The following ACYP2 variants were observed in gnomAD, a reference collection of about 807,000 sequenced individuals.
The protein encoded by ACYP2 is acylphosphatase-2.
A neutral mutation model predicts 11.2 loss-of-function variants in ACYP2; 12 were observed. That is an observed-to-expected ratio of 1.08 (90% CI 0.69 to 1.74). ACYP2 has a LOEUF of 1.74. ACYP2 is among the 40% of genes most tolerant of loss of function. The pLI is 0.00. For synonymous variants in ACYP2, 43 were observed against 32.2 expected (o/e 1.33, Z -1.13); for missense variants, 134 against 101.9 (o/e 1.31, Z -1.35).
chr2:54,180,370 A>T (rs1344207344), intron 6 of ACYP2, among the ~76,000 whole-genome samples: 1 of 151,964 alleles, frequency 6.6e-6, no homozygotes, highest in East Asian at 1.9e-4. Context: ...GGTGGGGCTG[A>T]ATATCTTAAA....
intron 2 of ACYP2, among the ~76,000 whole-genome samples, chr2:54,003,528 G>A (rs527262615): frequency 6.6e-6 from 1 of 152,198 alleles, no homozygotes; most frequent in African/African-American, 2.4e-5. Context: ...CCAAAGTGCT[G>A]GGATTACAGG....
intron 4 of ACYP2, among the ~76,000 whole-genome samples, chr2:54,097,796 A>C (rs906491722): frequency 6.6e-6 from 1 of 150,644 alleles, no homozygotes; most frequent in African/African-American, 2.4e-5. Context: ...GATATTTTTA[A>C]CTCTAACCAC....
chr2:54,249,834 C>G (rs1466319119), intron 6 of ACYP2, among the ~76,000 whole-genome samples: 1 of 148,790 alleles, frequency 6.7e-6, no homozygotes, highest in Non-Finnish European at 1.5e-5. Flanking sequence ...GTCCCAGCTA[C>G]TAGGCTGGCT....
intron 2 of ACYP2, among the ~76,000 whole-genome samples, chr2:54,026,627 A>T (rs1025714281): frequency 2.6e-5 from 4 of 152,240 alleles, no homozygotes; most frequent in Non-Finnish European, 5.9e-5. Flanking sequence ...ATAGCAGCAC[A>T]ATTCGCAACT....
intron 6 of ACYP2, among the ~76,000 whole-genome samples, chr2:54,156,424 C>T (rs1012172554): frequency 6.6e-6 from 1 of 152,134 alleles, no homozygotes; most frequent in African/African-American, 2.4e-5. Context: ...CTCCCCTGCT[C>T]CCCAACAAGC....
intron 6 of ACYP2, among the ~76,000 whole-genome samples, chr2:54,247,213 A>T (rs906604686): frequency 2.0e-5 from 3 of 151,920 alleles, no homozygotes; most frequent in African/African-American, 7.3e-5. Flanking sequence ...TTCTCTTCTC[A>T]TCTCACTTCT....
chr2:54,076,274 T>G (rs1278353173), intron 4 of ACYP2, among the ~76,000 whole-genome samples: 2 of 152,344 alleles, frequency 1.3e-5, no homozygotes, highest in Non-Finnish European at 2.9e-5. Flanking sequence ...CAAAGAGAAC[T>G]TCAAACTTAT....
intron 4 of ACYP2, among the ~76,000 whole-genome samples, chr2:54,069,150 C>G (rs759882441): frequency 6.6e-6 from 1 of 152,082 alleles, no homozygotes; most frequent in African/African-American, 2.4e-5. Flanking sequence ...AGTCTGGTCT[C>G]AAACTCCTGG....
chr2:54,179,329 A>G (rs1412652511), intron 6 of ACYP2, among the ~76,000 whole-genome samples: 1 of 152,158 alleles, frequency 6.6e-6, no homozygotes, highest in African/African-American at 2.4e-5. Flanking sequence ...ATATCCTCCA[A>G]TTCAGTTCTG....
chr2:54,099,053 T>A (rs1678745542), intron 4 of ACYP2, among the ~76,000 whole-genome samples: 1 of 152,174 alleles, frequency 6.6e-6, no homozygotes, highest in Non-Finnish European at 1.5e-5. Context: ...TCTTAGAACC[T>A]CTATTTGGTG....
chr2:54,118,525 C>T (rs1371414390), intron 4 of ACYP2, among the ~76,000 whole-genome samples: 1 of 152,194 alleles, frequency 6.6e-6, no homozygotes, highest in African/African-American at 2.4e-5. Flanking sequence ...CCTTAGTTGA[C>T]AAATGGGATT....
chr2:54,164,202 A>G (rs1682851670), intron 6 of ACYP2, among the ~76,000 whole-genome samples: 1 of 152,190 alleles, frequency 6.6e-6, no homozygotes, highest in Admixed American at 6.5e-5. Context: ...GAGAGATGGC[A>G]TGGGTCAGGG....
In ACYP2 at chr2:54,173,959, G is replaced by A. The variant is rs563861127; in HGVS notation, c.404+35211G>A. On this transcript the variant is annotated intron_variant, in intron 6 of 6. Coordinates refer to ENST00000607452, the MANE Select transcript of ACYP2 (RefSeq NM_001320586.2). The stretch of plus-strand genomic sequence containing the variant: ...GCCTTGTAGTGTAGTTTGAAGTCAG[G>A]TAGTGTGATGCCTCCAGCTTTGTTC... Among the ~76,000 whole-genome samples, 16 of 152,290 alleles carry A rather than the reference G, an allele frequency of 1.1e-4. No homozygotes were observed. In the South Asian group the frequency reaches 2.7e-3, roughly 26 times the overall value.
At chr2:54,263,871 T>C (rs1687893126) in intron 6 of ACYP2, among the ~76,000 whole-genome samples, 1 of 149,958 alleles carries the variant, frequency 6.7e-6, no homozygotes. Flanking sequence ...AATCACTAGT[T>C]GAAACCAGGA....
At chr2:54,028,449 T>C (rs1348704397) in intron 2 of ACYP2, among the ~76,000 whole-genome samples, 1 of 152,176 alleles carries the variant, frequency 6.6e-6, no homozygotes, top group Non-Finnish European at 1.5e-5. Flanking sequence ...CTCAATCTTA[T>C]TTTTCTCTCT....
intron 6 of ACYP2, chr2:54,166,935 T>C (rs1683001447): frequency 6.6e-6 from 1 of 152,156 alleles, no homozygotes; most frequent in African/African-American, 2.4e-5. Flanking sequence ...TAATTTTTCT[T>C]TTTTTGTGTG....
intron 2 of ACYP2, among the ~76,000 whole-genome samples, chr2:53,996,274 G>A (rs1402538641): frequency 6.6e-6 from 1 of 152,148 alleles, no homozygotes; most frequent in Non-Finnish European, 1.5e-5. Context: ...TCAGGAAGCA[G>A]ACACTGAAAT....
intron 6 of ACYP2, among the ~76,000 whole-genome samples, chr2:54,239,503 T>G (rs1686640051): frequency 6.6e-6 from 1 of 152,184 alleles, no homozygotes. Flanking sequence ...CTAGAAAGGT[T>G]AAGGAGAAAA....
chr2:54,183,518 C>A (rs1393625676), intron 6 of ACYP2, among the ~76,000 whole-genome samples: 2 of 150,772 alleles, frequency 1.3e-5, no homozygotes, highest in Non-Finnish European at 2.9e-5. Context: ...GGCGACAGAG[C>A]GAGACCCGGT....
Sources: gnomAD v4.1 joint callset for allele counts (sites outside exome capture counted in the v4.1 genomes callset) on GRCh38, gnomAD v4.1.1 for gene constraint, MANE v1.5 for transcripts, NCBI Gene and HGNC (gene_info 2026-07-23, HGNC 2026-07-21) for gene names.